Variants in KCNJ6 observed in about 807,000 individuals in gnomAD.
KCNJ6 encodes potassium inwardly rectifying channel subfamily J member 6, also known as G protein-activated inward rectifier potassium channel 2.
Under a neutral mutation model 34.2 loss-of-function variants are expected in KCNJ6, and 9 were observed. The ratio of observed to expected loss-of-function variants is 0.26; its 90% confidence interval spans 0.16 to 0.46. The LOEUF is 0.46. KCNJ6 is among the 20% of genes least tolerant of loss of function. The probability of loss-of-function intolerance (pLI) is 1.00; values close to 1 mark genes in which losing one functional copy is unlikely to be tolerated. For missense variants in KCNJ6, 236 were observed against 531.3 expected, an observed-to-expected ratio of 0.44 and a Z score of 5.46; for synonymous variants, 196 against 207.1, an observed-to-expected ratio of 0.95 and a Z score of 0.46.
chr21:37,726,155 C>A (rs545312037), intron 2 of KCNJ6, among the ~76,000 whole-genome samples: 4 of 152,298 alleles, frequency 2.6e-5, no homozygotes, highest in African/African-American at 7.2e-5. Flanking sequence ...ATCCACCCCC[C>A]TCGTCCTTCC....
At chr21:37,787,730 A>G (rs1335912800) in intron 2 of KCNJ6, among the ~76,000 whole-genome samples, 3 of 152,236 alleles carry the variant, frequency 2.0e-5, no homozygotes, top group South Asian at 2.1e-4. Flanking sequence ...TTTTGAAAGC[A>G]CAAGGGAATG....
chr21:37,647,234 C>G (rs1422893204), intron 3 of KCNJ6, among the ~76,000 whole-genome samples: 1 of 152,082 alleles, frequency 6.6e-6, no homozygotes, highest in Non-Finnish European at 1.5e-5. Flanking sequence ...TTAATTCTTA[C>G]TTTTTAGCTC....
chr21:37,655,229 GAGAGAGAGAGA>G (rs2054456660), intron 3 of KCNJ6, among the ~76,000 whole-genome samples: 12 of 1,676 alleles, frequency 7.2e-3, no homozygotes, highest in African/African-American at 0.039. Context: ...GTGTGTGAGA[GAGAGAGAGAGA>G]GAGAGAGAGA....
intron 1 of KCNJ6, among the ~76,000 whole-genome samples, chr21:37,889,279 G>T (rs2055750403): frequency 1.3e-5 from 2 of 152,090 alleles, no homozygotes; most frequent in South Asian, 2.1e-4. Flanking sequence ...ATTCCTATCT[G>T]CAATCCCTCA....
At chr21:37,829,855 G>A (rs77939318) in intron 2 of KCNJ6, among the ~76,000 whole-genome samples, 2,419 of 152,290 alleles carry the variant, frequency 0.016, 63 homozygotes, top group African/African-American at 0.052. Flanking sequence ...CCCCAGAGCC[G>A]GGCTTTCCAT....
chr21:37,855,985 G>A (rs565680622), intron 1 of KCNJ6, among the ~76,000 whole-genome samples: 2 of 152,338 alleles, frequency 1.3e-5, no homozygotes, highest in African/African-American at 4.8e-5. Flanking sequence ...AGGCAGGGGA[G>A]AGGGGGTGGA....
In KCNJ6 at chr21:37,817,788, C is replaced by T. The variant is rs370867203; in HGVS notation, c.25+22870G>A. ...ACTCTGGGAGGTGATTCCACTGTCT[C>T]CCTGGCTCACTTGGGAGGGTTCTGG... On this transcript the variant is annotated intron_variant, in intron 2 of 3. Coordinates refer to ENST00000609713, the MANE Select transcript of KCNJ6 (RefSeq NM_002240.5). 8.1e-4 allele frequency among the ~76,000 whole-genome samples: 123 copies of T among 152,310 alleles called. No individual in the cohort carries two copies. The South Asian group carries it at 0.011, about 14-fold the overall frequency.
intron 3 of KCNJ6, among the ~76,000 whole-genome samples, chr21:37,645,970 C>A (rs2054402568): frequency 6.6e-6 from 1 of 151,804 alleles, no homozygotes; most frequent in Admixed American, 6.6e-5. Context: ...TAAGGACTCT[C>A]ACCCTTTCTT....
intron 2 of KCNJ6, among the ~76,000 whole-genome samples, chr21:37,775,820 C>G (rs9680253): frequency 4.6e-5 from 7 of 150,668 alleles, no homozygotes; most frequent in Non-Finnish European, 7.4e-5. Context: ...CTTAGGATTG[C>G]CTTGGCGATG....
intron 2 of KCNJ6, among the ~76,000 whole-genome samples, chr21:37,826,976 T>A (rs2055402149): frequency 6.6e-6 from 1 of 152,176 alleles, no homozygotes; most frequent in South Asian, 2.1e-4. Flanking sequence ...GTCCCTGGGA[T>A]GTGGGGACTC....
At chr21:37,863,421 C>T (rs1339544977) in intron 1 of KCNJ6, among the ~76,000 whole-genome samples, 5 of 152,142 alleles carry the variant, frequency 3.3e-5, no homozygotes, top group Non-Finnish European at 7.4e-5. Flanking sequence ...TATTGCAAAT[C>T]TGATTTAGAG....
chr21:37,736,491 T>G (rs1206422909), intron 2 of KCNJ6, among the ~76,000 whole-genome samples: 3 of 152,220 alleles, frequency 2.0e-5, no homozygotes, highest in African/African-American at 7.2e-5. Context: ...TGTAAATGGT[T>G]AATTTCACCT....
intron 2 of KCNJ6, among the ~76,000 whole-genome samples, chr21:37,778,547 A>G (rs1055360749): frequency 2.0e-5 from 3 of 152,172 alleles, no homozygotes; most frequent in Non-Finnish European, 2.9e-5. Context: ...GCCTCTGTTC[A>G]TGAGTTCTTA....
intron 2 of KCNJ6, among the ~76,000 whole-genome samples, chr21:37,808,067 A>C (rs951989585): frequency 6.6e-6 from 1 of 152,248 alleles, no homozygotes; most frequent in Non-Finnish European, 1.5e-5. Context: ...TGCAGAATTC[A>C]AGGTAGCCAC....
chr21:37,761,423 GTGT>G (rs1187615548), intron 2 of KCNJ6, among the ~76,000 whole-genome samples: 6 of 150,902 alleles, frequency 4.0e-5, no homozygotes, highest in South Asian at 2.1e-4. Context: ...TGTGGTGTGT[GTGT>G]TGTGTTGTGT....
intron 2 of KCNJ6, among the ~76,000 whole-genome samples, chr21:37,823,500 T>C (rs1337734087): frequency 1.3e-5 from 2 of 152,132 alleles, no homozygotes; most frequent in South Asian, 2.1e-4. Context: ...TGGGAGGTGA[T>C]TGGATCATGG....
At chr21:37,847,549 AG>A (rs2055515618) in intron 1 of KCNJ6, among the ~76,000 whole-genome samples, 1 of 152,250 alleles carries the variant, frequency 6.6e-6, no homozygotes, top group Non-Finnish European at 1.5e-5. Flanking sequence ...GATGTGCACA[AG>A]ATGGACACTG....
At chr21:37,863,223 T>G (rs951558026) in intron 1 of KCNJ6, among the ~76,000 whole-genome samples, 1 of 152,182 alleles carries the variant, frequency 6.6e-6, no homozygotes, top group Non-Finnish European at 1.5e-5. Flanking sequence ...GAGTAAAACA[T>G]GGAGTAATAA....
intron 2 of KCNJ6, among the ~76,000 whole-genome samples, chr21:37,766,240 G>C (rs1358231011): frequency 6.6e-6 from 1 of 152,180 alleles, no homozygotes; most frequent in African/African-American, 2.4e-5. Flanking sequence ...GGTGGAGTAG[G>C]ATGCCTGTCC....
Sources: allele counts gnomAD v4.1 joint callset (sites outside exome capture counted in the v4.1 genomes callset), GRCh38; gene constraint gnomAD v4.1.1; transcripts MANE v1.5; gene names NCBI Gene and HGNC (gene_info 2026-07-23, HGNC 2026-07-21).